Variants in MLIP observed in about 807,000 individuals in gnomAD.
The protein encoded by MLIP is muscular LMNA-interacting protein.
Under a neutral mutation model 84.8 loss-of-function variants are expected in MLIP, and 79 were observed. The observed-to-expected ratio is 0.93, with a 90% CI of 0.78 to 1.12. MLIP has a LOEUF of 1.12. Among genes scored for constraint, MLIP ranks in the 50% most tolerant of loss-of-function variants. The pLI, the probability that MLIP is intolerant of heterozygous loss-of-function variation, is 0.00. For missense variants in MLIP, 1,257 were observed against 1,160.6 expected, an observed-to-expected ratio of 1.08 and a Z score of -1.21; for synonymous variants, 504 against 463.0, an observed-to-expected ratio of 1.09 and a Z score of -1.14.
chr6:54,036,479 G>A (rs1158674309), intron 1 of MLIP, among the ~76,000 whole-genome samples: 1 of 151,842 alleles, frequency 6.6e-6, no homozygotes, highest in Non-Finnish European at 1.5e-5. Context: ...CAAATATATT[G>A]ATAACTTAGC....
intron 11 of MLIP, among the ~76,000 whole-genome samples, chr6:54,205,274 G>A (rs1299584868): frequency 6.6e-6 from 1 of 152,180 alleles, no homozygotes; most frequent in Admixed American, 6.5e-5. Flanking sequence ...TTCATTTCTA[G>A]TCACTATTGT....
intron 3 of MLIP, among the ~76,000 whole-genome samples, chr6:54,134,346 T>A (rs1771632657): frequency 6.6e-6 from 1 of 152,116 alleles, no homozygotes; most frequent in Non-Finnish European, 1.5e-5. Flanking sequence ...CTGAGAATTT[T>A]ATAAAATATG....
intron 10 of MLIP, among the ~76,000 whole-genome samples, chr6:54,200,741 T>G (rs1778622794): frequency 6.6e-6 from 1 of 151,760 alleles, no homozygotes; most frequent in Non-Finnish European, 1.5e-5. Flanking sequence ...AAAATCAGAG[T>G]TTCTTAAGTG....
chr6:54,148,987 T>C, intron 4 of MLIP, 69 bp from the exon 5 acceptor site: 5 of 1,293,126 alleles, frequency 3.9e-6, no homozygotes, highest in Non-Finnish European at 5.6e-6. Context: ...TTGGTAGAAC[T>C]GTCTGAAAAT....
chr6:54,216,476 T>C (rs1193481549), intron 11 of MLIP: 2 of 985,322 alleles, frequency 2.0e-6, no homozygotes, highest in African/African-American at 3.5e-5. Flanking sequence ...CCCTTGAGTG[T>C]ACCTCCATCA....
At chr6:54,061,099 T>G (rs1365658053) in intron 1 of MLIP, among the ~76,000 whole-genome samples, 1 of 152,026 alleles carries the variant, frequency 6.6e-6, no homozygotes, top group African/African-American at 2.4e-5. Flanking sequence ...GGTTGAGATA[T>G]CTAGGAGAAG....
intron 10 of MLIP, among the ~76,000 whole-genome samples, chr6:54,194,816 A>G (rs1180269181): frequency 1.3e-5 from 2 of 151,704 alleles, no homozygotes; most frequent in South Asian, 2.1e-4. Flanking sequence ...TGCCATGTCA[A>G]TAGTTGCGTG....
Position 54,075,631 on chromosome 6 carries a change from T to C in MLIP, c.64-45816T>C, listed in dbSNP as rs968400658. The stretch of plus-strand genomic sequence containing the variant: ...TATATGCTTCCAGACTGGAAATGTT[T>C]AAAAAAAAGTCAAAGTGCTATTTTT... On this transcript the variant is annotated intron_variant, in intron 1 of 12. Coordinates refer to the MLIP transcript ENST00000274897. Among the ~76,000 whole-genome samples the C allele has an allele frequency of 2.6e-5, 4 of 152,038 alleles. No homozygotes were observed. The East Asian group carries it at 7.7e-4, about 29-fold the overall frequency.
At chr6:54,210,137 T>TCACCGCACCGCACTGCACCG in intron 11 of MLIP, among the ~76,000 whole-genome samples, 1 of 151,862 alleles carries the variant, frequency 6.6e-6, no homozygotes, top group East Asian at 1.9e-4. Context: ...CCACCTCACC[T>TCACCGCACCGCACTGCACCG]CACCGCACCG....
At chr6:54,178,156 A>G (rs925866032) in intron 9 of MLIP, among the ~76,000 whole-genome samples, 3 of 152,174 alleles carry the variant, frequency 2.0e-5, no homozygotes, top group African/African-American at 7.2e-5. Flanking sequence ...GCACACATTT[A>G]CATGGGGAAC....
Position 54,148,819 on chromosome 6 carries a change from C to A in MLIP, c.2218-237C>A, listed in dbSNP as rs181611076. 3.9e-5 allele frequency among the ~76,000 whole-genome samples: 6 copies of A among 152,194 alleles called. No individual in the cohort carries two copies. In the East Asian group the frequency reaches 1.2e-3, roughly 29 times the overall value. On this transcript the variant is annotated intron_variant, in intron 4 of 13. Coordinates refer to ENST00000502396, the MANE Select transcript of MLIP (RefSeq NM_001281747.2). ...GTTTTTAAGCTCTGAAATGGAGTGGCATATAGTTGCCTGTAATCTCTAGGC... is the reference window on the plus strand; with the variant it reads ...GTTTTTAAGCTCTGAAATGGAGTGGAATATAGTTGCCTGTAATCTCTAGGC...
intron 1 of MLIP, among the ~76,000 whole-genome samples, chr6:54,093,923 C>T (rs147158856): frequency 6.6e-6 from 1 of 152,152 alleles, no homozygotes; most frequent in Admixed American, 6.6e-5. Flanking sequence ...AAGAGTTTGC[C>T]AACTTCTGGG....
chr6:54,148,617 A>G (rs1773108576), intron 4 of MLIP, among the ~76,000 whole-genome samples: 1 of 152,160 alleles, frequency 6.6e-6, no homozygotes, highest in Admixed American at 6.6e-5. Flanking sequence ...GATGCAAGAA[A>G]ATGATCAAGA....
At chr6:54,087,238 C>T (rs573379889) in intron 1 of MLIP, among the ~76,000 whole-genome samples, 6 of 152,254 alleles carry the variant, frequency 3.9e-5, no homozygotes, top group African/African-American at 1.4e-4. Context: ...ATAGCTGTGC[C>T]TCTTCTGTGA....
Position 54,121,532 on chromosome 6 carries a change from C to T in MLIP, c.182C>T (p.Ala61Val). 6 of 1,613,966 alleles carry T rather than the reference C, an allele frequency of 3.7e-6. No individual in the cohort carries two copies. The highest frequency in any genetic ancestry group is 5.1e-6 in the Non-Finnish European group (6 of 1,179,902). Reference protein sequence around the residue: ...VRRLPTHTQLADTSKFLVKIP... With the variant: ...VRRLPTHTQLVDTSKFLVKIP... ...AGACTACCAACCCATACTCAGTTGG[C>T]TGACACCTCTAAATTCCTTGTTAAA... The change falls in exon 2 of 14, where the codon GCT becomes GTT. Residue 61 changes from alanine to valine, a missense_variant. Transcript: ENST00000502396.
chr6:54,171,210 A>G (rs1481929339), intron 9 of MLIP, among the ~76,000 whole-genome samples: 1 of 151,628 alleles, frequency 6.6e-6, no homozygotes, highest in Admixed American at 6.6e-5. Flanking sequence ...TCAATCAACT[A>G]TCAGATTTAA....
intron 8 of MLIP, among the ~76,000 whole-genome samples, chr6:54,165,491 A>G (rs1775084480): frequency 1.3e-5 from 2 of 151,912 alleles, no homozygotes; most frequent in Non-Finnish European, 2.9e-5. Context: ...TTAGCCCCTC[A>G]GTTCACCCCA....
chr6:54,063,790 T>C (rs1404869677), intron 1 of MLIP, among the ~76,000 whole-genome samples: 10 of 151,818 alleles, frequency 6.6e-5, no homozygotes. Context: ...AATAAAAATC[T>C]CGTTCTAAAT....
intron 1 of MLIP, chr6:54,079,547 C>A (rs1767004915): frequency 6.6e-6 from 1 of 152,166 alleles, no homozygotes. Flanking sequence ...TTATCCAGAG[C>A]AAACCACTGT....
Sources: gnomAD v4.1 joint callset for allele counts (sites outside exome capture counted in the v4.1 genomes callset) on GRCh38, gnomAD v4.1.1 for gene constraint, MANE v1.5 for transcripts, NCBI Gene and HGNC (gene_info 2026-07-23, HGNC 2026-07-21) for gene names.